The following TASP1 variants were observed in gnomAD, a reference collection of about 807,000 sequenced individuals.
TASP1 encodes the protein threonine aspartase 1.
TASP1 carries 16 observed loss-of-function variants against 56.6 expected under a neutral mutation model. The observed-to-expected ratio is 0.28, with a 90% CI of 0.19 to 0.43. The LOEUF (loss-of-function observed/expected upper bound fraction) is 0.43, where lower values mean the gene tolerates loss of function less well. Ranked by LOEUF, TASP1 falls within the 20% of genes least tolerant of loss-of-function variation. The pLI is 1.00. For missense variants in TASP1, 393 were observed against 511.6 expected, an observed-to-expected ratio of 0.77 and a Z score of 2.24; for synonymous variants, 179 against 184.2, an observed-to-expected ratio of 0.97 and a Z score of 0.23.
chr20:13,334,387 C>A, the TASP1 span, among the ~76,000 whole-genome samples: 1 of 152,170 alleles, frequency 6.6e-6, no homozygotes, highest in African/African-American at 2.4e-5. Context: ...TTGAAACTGT[C>A]GTAGTATAGA....
chr20:13,246,165 C>T, the TASP1 span, among the ~76,000 whole-genome samples: 1,480 of 151,568 alleles, frequency 9.8e-3, 26 homozygotes, highest in African/African-American at 0.034. Context: ...CCCAGCTACT[C>T]GGGAGGCTGA....
chr20:13,364,147 A>G, the TASP1 span, among the ~76,000 whole-genome samples: 5 of 152,108 alleles, frequency 3.3e-5, no homozygotes, highest in African/African-American at 9.7e-5. Flanking sequence ...ATGGGGTTGT[A>G]AAGGAATTTT....
the TASP1 span, among the ~76,000 whole-genome samples, chr20:13,290,404 C>T: frequency 6.6e-6 from 1 of 152,210 alleles, no homozygotes; most frequent in Non-Finnish European, 1.5e-5. Flanking sequence ...AATCCCAGCA[C>T]TTTGGGAGGC....
chr20:13,294,976 C>T, the TASP1 span, among the ~76,000 whole-genome samples: 1 of 152,148 alleles, frequency 6.6e-6, no homozygotes, highest in East Asian at 1.9e-4. Context: ...TTCGCCAGGC[C>T]TTTCTGAGTT....
the TASP1 span, among the ~76,000 whole-genome samples, chr20:13,158,441 G>T: frequency 1.3e-5 from 2 of 152,098 alleles, no homozygotes; most frequent in African/African-American, 2.4e-5. Flanking sequence ...GCTTCCTTTG[G>T]CACAAAGAGA....
chr20:13,325,057 A>G, the TASP1 span, among the ~76,000 whole-genome samples: 1 of 152,114 alleles, frequency 6.6e-6, no homozygotes, highest in African/African-American at 2.4e-5. Context: ...GTTTCTGTTT[A>G]TTTTATAGGT....
At chr20:13,486,862 G>T (rs1390602269) in intron 10 of TASP1, among the ~76,000 whole-genome samples, 1 of 152,118 alleles carries the variant, frequency 6.6e-6, no homozygotes, top group Non-Finnish European at 1.5e-5. Flanking sequence ...TCTGCAAAAA[G>T]ACCTACAGTT....
chr20:13,530,627 C>G (rs2045185554), intron 9 of TASP1, among the ~76,000 whole-genome samples: 1 of 152,162 alleles, frequency 6.6e-6, no homozygotes, highest in African/African-American at 2.4e-5. Flanking sequence ...CCAAGGACAC[C>G]TCTTATAAAG....
chr20:13,506,881 C>CAA (rs3042648), intron 10 of TASP1, among the ~76,000 whole-genome samples: 73,989 of 143,816 alleles, frequency 0.51, 19,381 homozygotes, highest in Non-Finnish European at 0.59. Flanking sequence ...GAAATTAGGC[C>CAA]AAAAAAAAAA....
the TASP1 span, among the ~76,000 whole-genome samples, chr20:13,145,544 T>C: frequency 6.6e-6 from 1 of 152,150 alleles, no homozygotes; most frequent in Admixed American, 6.5e-5. Context: ...ATCAACATCA[T>C]TAAAATGGCT....
intron 5 of TASP1, among the ~76,000 whole-genome samples, chr20:13,581,925 G>A (rs62207614): frequency 3.3e-4 from 50 of 152,076 alleles, no homozygotes; most frequent in Non-Finnish European, 7.1e-4. Context: ...TTTTAACATG[G>A]AGGCAGCCAA....
At chr20:13,504,313 TAAAAAC>T (rs1466613711) in intron 10 of TASP1, among the ~76,000 whole-genome samples, 2 of 151,614 alleles carry the variant, frequency 1.3e-5, no homozygotes, top group African/African-American at 2.4e-5. Context: ...GTGCCAGAAT[TAAAAAC>T]AAAAACAAAC....
At chr20:13,445,008 A>T (rs2043353454) in intron 11 of TASP1, among the ~76,000 whole-genome samples, 1 of 152,218 alleles carries the variant, frequency 6.6e-6, no homozygotes, top group African/African-American at 2.4e-5. Flanking sequence ...GGAGAGTTGA[A>T]TTGAAAACAG....
intron 13 of TASP1, among the ~76,000 whole-genome samples, chr20:13,396,521 T>C (rs540007558): frequency 1.3e-5 from 2 of 152,236 alleles, no homozygotes; most frequent in Non-Finnish European, 2.9e-5. Context: ...CTGGGTTAGA[T>C]GGTCTCTAGA....
intron 10 of TASP1, among the ~76,000 whole-genome samples, chr20:13,486,365 T>C (rs897139696): frequency 6.6e-6 from 1 of 151,986 alleles, no homozygotes; most frequent in Non-Finnish European, 1.5e-5. Flanking sequence ...AAGTAAAAAA[T>C]ACCAAGTTCT....
At chr20:13,158,210 T>G in the TASP1 span, among the ~76,000 whole-genome samples, 1 of 152,250 alleles carries the variant, frequency 6.6e-6, no homozygotes, top group Non-Finnish European at 1.5e-5. Context: ...TATTATTATT[T>G]CACAAAGTTT....
chr20:13,482,902 T>C (rs1357333654), intron 11 of TASP1, among the ~76,000 whole-genome samples: 5 of 152,202 alleles, frequency 3.3e-5, no homozygotes, highest in African/African-American at 1.2e-4. Context: ...TAAATGCCTA[T>C]TCATGACTCA....
the TASP1 span, among the ~76,000 whole-genome samples, chr20:13,134,179 T>G: frequency 1.3e-5 from 2 of 152,202 alleles, no homozygotes; most frequent in African/African-American, 4.8e-5. Context: ...AATACATACT[T>G]TCCAGTTGAA....
At chr20:13,593,218 T>TA (rs1046290559) in intron 4 of TASP1, among the ~76,000 whole-genome samples, 61 of 151,310 alleles carry the variant, frequency 4.0e-4, no homozygotes, top group Admixed American at 2.3e-3. Flanking sequence ...ATTAAACAGT[T>TA]AAAAAAAAAT....
Sources: gnomAD v4.1 joint callset for allele counts (sites outside exome capture counted in the v4.1 genomes callset) on GRCh38, gnomAD v4.1.1 for gene constraint, MANE v1.5 for transcripts, NCBI Gene and HGNC (gene_info 2026-07-23, HGNC 2026-07-21) for gene names.